BPTF: variants seen among roughly 807,000 people sequenced by gnomAD.
BPTF encodes bromodomain PHD finger transcription factor, also known as nucleosome-remodeling factor subunit BPTF.
A neutral mutation model predicts 292.5 loss-of-function variants in BPTF; 18 were observed. The observed-to-expected ratio is 0.06, with a 90% confidence interval of 0.04 to 0.09. The LOEUF (loss-of-function observed/expected upper bound fraction) is 0.09. Among genes scored for constraint, BPTF ranks in the 10% least tolerant of loss-of-function variants. BPTF has a pLI of 1.00. For synonymous variants in BPTF, 1,225 were observed against 1,251.9 expected (o/e 0.98, Z 0.45); for missense variants, 2,726 against 3,498.7 (o/e 0.78, Z 5.57).
At chr17:67,903,159 G>A (rs535293350) in intron 7 of BPTF, among the ~76,000 whole-genome samples, 4 of 152,206 alleles carry the variant, frequency 2.6e-5, no homozygotes, top group East Asian at 1.9e-4. Flanking sequence ...CTTTCTCTGC[G>A]GATGTAAGAA....
chr17:67,903,725 G>A, intron 7 of BPTF, 64 bp from the exon 8 acceptor site: 1 of 1,412,886 alleles, frequency 7.1e-7, no homozygotes. Flanking sequence ...TTTCAGTATT[G>A]CATTTTTATC....
chr17:67,912,440 C>T lies in BPTF; in HGVS notation c.4556C>T (p.Ser1519Leu). ...ESDSTQTTTPSASCPESNSVN... is the reference protein window; with the variant it reads ...ESDSTQTTTPLASCPESNSVN... Reference sequence around the variant, plus strand: ...GACAGTACACAGACGACCACACCCTCAGCATCTTGTCCAGAAAGCAATTCA... The same window carrying T: ...GACAGTACACAGACGACCACACCCTTAGCATCTTGTCCAGAAAGCAATTCA... The change falls in exon 11 of 28, where the codon TCA becomes TTA. Residue 1519 changes from serine (S) to leucine (L), a missense_variant. Physicochemically the swap from Ser to Leu is moderately radical, Grantham distance 145. Coordinates refer to ENST00000306378, the MANE Select transcript of BPTF (RefSeq NM_182641.4). The T allele has an allele frequency of 6.2e-7, 1 of 1,613,784 alleles. No homozygotes were observed. The highest frequency in any genetic ancestry group is 8.5e-7 in the Non-Finnish European group (1 of 1,179,934).
chr17:67,870,963 G>T (rs1403182433), intron 3 of BPTF, among the ~76,000 whole-genome samples: 2 of 151,196 alleles, frequency 1.3e-5, no homozygotes, highest in East Asian at 3.9e-4. Flanking sequence ...TAGAGACGGG[G>T]TTTCACCGTT....
chr17:67,892,140 T>C, intron 5 of BPTF, 106 bp downstream of exon 5: 1 of 848,112 alleles, frequency 1.2e-6, no homozygotes, highest in East Asian at 3.0e-5. Context: ...GTAGACCTAT[T>C]TTTGAATTAT....
intron 26 of BPTF, among the ~76,000 whole-genome samples, chr17:67,970,069 A>T (rs1325803891): frequency 2.0e-5 from 3 of 152,162 alleles, no homozygotes; most frequent in Non-Finnish European, 4.4e-5. Context: ...CCCTGTCTCT[A>T]CTAAAAATAC....
At chr17:67,921,026 G>C (rs1215933271) in intron 13 of BPTF, among the ~76,000 whole-genome samples, 1 of 151,524 alleles carries the variant, frequency 6.6e-6, no homozygotes, top group Non-Finnish European at 1.5e-5. Context: ...AGACAATGTA[G>C]TGAAACCCTA....
chr17:67,870,001 CAAAAAAAAAA>C (rs59327152), intron 3 of BPTF, among the ~76,000 whole-genome samples: 2 of 59,194 alleles, frequency 3.4e-5, no homozygotes, highest in Non-Finnish European at 6.9e-5. Flanking sequence ...GACTCCGTCT[CAAAAAAAAAA>C]AAAAAAAAAA....
intron 2 of BPTF, among the ~76,000 whole-genome samples, chr17:67,860,108 A>AT (rs1196478437): frequency 1.3e-5 from 2 of 152,332 alleles, no homozygotes; most frequent in East Asian, 3.9e-4. Context: ...AACTGCACAG[A>AT]TTTTAAAGAT....
chr17:67,857,276 C>G (rs1015158695), intron 2 of BPTF, among the ~76,000 whole-genome samples: 1 of 150,806 alleles, frequency 6.6e-6, no homozygotes, highest in Non-Finnish European at 1.5e-5. Flanking sequence ...ATTCTCCTGC[C>G]TCAACCTCCG....
intron 23 of BPTF, chr17:67,955,277 CAA>C (rs60507268): frequency 8.4e-6 from 1 of 119,518 alleles, no homozygotes; most frequent in African/African-American, 3.5e-5. Flanking sequence ...GACTCTGTCT[CAA>C]AAAAAAAAAA....
intron 4 of BPTF, among the ~76,000 whole-genome samples, chr17:67,877,687 T>C (rs894224860): frequency 1.3e-5 from 2 of 152,170 alleles, no homozygotes; most frequent in African/African-American, 4.8e-5. Context: ...GACGTGATCA[T>C]GGCTCACTGC....
At position 67,910,313 on chromosome 17, in the gene BPTF, A is replaced by G. The variant is rs62085988; in HGVS notation, c.2992+552A>G. Among the ~76,000 whole-genome samples, 1,085 of 152,296 alleles carry G rather than the reference A, an allele frequency of 7.1e-3. 6 individuals carry two copies. Among genetic ancestry groups the G allele is most frequent in the Middle Eastern group, 0.02 (6 of 294 alleles). On this transcript the variant is annotated intron_variant, in intron 10 of 27. Coordinates refer to ENST00000306378, the MANE Select transcript of BPTF (RefSeq NM_182641.4). ...TTTTGGCTATACGAATAATGCTGCT[A>G]TGAACATTCATGCAGAAGTTTTTTG... is the stretch of plus-strand genomic sequence containing the variant.
At chr17:67,974,906 G>A (rs935911436) in intron 26 of BPTF, 1 of 152,188 alleles carries the variant, frequency 6.6e-6, no homozygotes, top group Non-Finnish European at 1.5e-5. Flanking sequence ...TTGGCCATTG[G>A]TGATCAGCTT....
intron 24 of BPTF, 176 bp downstream of exon 24, chr17:67,960,051 A>C: frequency 1.9e-6 from 1 of 535,574 alleles, no homozygotes; most frequent in East Asian, 3.2e-5. Context: ...GTAAAGTAAA[A>C]TTTGCTATTT....
intron 11 of BPTF, 82 bp downstream of exon 11, chr17:67,913,269 T>G: frequency 6.8e-7 from 1 of 1,470,918 alleles, no homozygotes; most frequent in Non-Finnish European, 9.1e-7. Context: ...TTTTAAAAAA[T>G]GAGATAATAG....
chr17:67,968,311 G>A (rs1047919636), intron 26 of BPTF, among the ~76,000 whole-genome samples: 2 of 151,288 alleles, frequency 1.3e-5, no homozygotes, highest in South Asian at 4.1e-4. Context: ...AAAAATAAAC[G>A]TAATGAAGTA....
chr17:67,893,941 T>G (rs2061284468), intron 6 of BPTF, 93 bp from the exon 7 acceptor site: 1 of 1,464,278 alleles, frequency 6.8e-7, no homozygotes, highest in African/African-American at 1.4e-5. Context: ...TCTTTATACC[T>G]GGAATCAGAT....
chr17:67,889,363 T>A (rs1424089780), intron 4 of BPTF, among the ~76,000 whole-genome samples: 1 of 152,202 alleles, frequency 6.6e-6, no homozygotes, highest in Admixed American at 6.5e-5. Flanking sequence ...TGGCTCTGAA[T>A]TAGGAAGCTT....
intron 24 of BPTF, among the ~76,000 whole-genome samples, chr17:67,962,343 A>T (rs1423112497): frequency 6.6e-6 from 1 of 152,194 alleles, no homozygotes; most frequent in East Asian, 1.9e-4. Context: ...GGTAATTCTC[A>T]CTATGACTTT....
Sources: gnomAD v4.1 joint callset for allele counts (sites outside exome capture counted in the v4.1 genomes callset) on GRCh38, gnomAD v4.1.1 for gene constraint, MANE v1.5 for transcripts, NCBI Gene and HGNC (gene_info 2026-07-23, HGNC 2026-07-21) for gene names.